Variants in FMN1 observed in about 807,000 individuals in gnomAD.
FMN1 encodes the protein formin 1, also known as formin-1.
In FMN1, 110 loss-of-function variants were observed where a neutral mutation model predicts 132.4. The ratio of observed to expected loss-of-function variants is 0.83; its 90% CI spans 0.71 to 0.97. The LOEUF (loss-of-function observed/expected upper bound fraction) is 0.97, where lower values mean the gene tolerates loss of function less well. Ranked by LOEUF, FMN1 falls within the 50% of genes least tolerant of loss-of-function variation. The pLI is 0.00. For synonymous variants in FMN1, 722 were observed against 651.7 expected (o/e 1.11, Z -1.64); for missense variants, 1,792 against 1,705.3 (o/e 1.05, Z -0.90).
intron 7 of FMN1, among the ~76,000 whole-genome samples, chr15:32,984,386 A>T (rs1389299574): frequency 6.6e-6 from 1 of 152,158 alleles, no homozygotes; most frequent in Non-Finnish European, 1.5e-5. Context: ...TATACTTAAA[A>T]GGGTCTCCAA....
At chr15:33,142,608 T>C (rs1964053096) in intron 4 of FMN1, among the ~76,000 whole-genome samples, 1 of 152,214 alleles carries the variant, frequency 6.6e-6, no homozygotes, top group African/African-American at 2.4e-5. Context: ...GTAATATTAA[T>C]AGCAGGAATT....
intron 7 of FMN1, among the ~76,000 whole-genome samples, chr15:32,992,646 T>C (rs905459464): frequency 6.6e-6 from 1 of 152,224 alleles, no homozygotes; most frequent in Non-Finnish European, 1.5e-5. Context: ...ATAACTTAGA[T>C]GTTTAATTCA....
In FMN1 at chr15:32,772,541, C is replaced by T. The variant is rs28502036; in HGVS notation, c.*1769G>A. 6.6e-6 allele frequency: 1 copy of T among 152,092 alleles called. No homozygotes were observed. The highest frequency in any genetic ancestry group is 1.5e-5 in the Non-Finnish European group (1 of 68,016). The allele number at this position is 152,092 out of a possible 1,614,324, so 9.4% of individuals were successfully genotyped here. Reference sequence around the variant, plus strand: ...TGTAAGAAAGCAGCATAAAAAGCTTCTTGCTCACAAGCAACTTCAAGCCTT... The same window carrying T: ...TGTAAGAAAGCAGCATAAAAAGCTTTTTGCTCACAAGCAACTTCAAGCCTT... On this transcript the variant is annotated 3_prime_UTR_variant, in exon 21 of 21. Coordinates refer to ENST00000616417, the MANE Select transcript of FMN1 (RefSeq NM_001277313.2).
rs1444523400 is a variant in FMN1, at chr15:32,785,218, A to ATATATATATATATATTTTTTTT, written c.4131-8300_4131-8299insAAAAAAAATATATATATATATA. Among the ~76,000 whole-genome samples, 2 of 39,202 alleles carry ATATATATATATATATTTTTTTT rather than the reference A, an allele frequency of 5.1e-5. 1 individual carries two copies. The highest frequency in any genetic ancestry group is 9.0e-5 in the Non-Finnish European group (2 of 22,116). 25.7% of individuals were successfully genotyped at this position (39,202 alleles called of 152,430 possible). A position where few individuals can be genotyped will look rare whatever the true frequency, so the allele number is the denominator to read the frequency against. On this transcript the variant is annotated intron_variant, in intron 19 of 20. Coordinates refer to ENST00000616417, the MANE Select transcript of FMN1 (RefSeq NM_001277313.2). ...TGTGTGTGTATATATATATATATAT[A>ATATATATATATATATTTTTTTT]TTTTTTTTTTTTTTTTTTTGTAGAG...
At chr15:33,097,320 G>A (rs1315581013) in intron 4 of FMN1, among the ~76,000 whole-genome samples, 1 of 149,984 alleles carries the variant, frequency 6.7e-6, no homozygotes. Context: ...AAAAAAAAGA[G>A]AGAGAGAGAG....
At chr15:32,871,244 C>T (rs2059508782) in intron 16 of FMN1, among the ~76,000 whole-genome samples, 2 of 152,296 alleles carry the variant, frequency 1.3e-5, no homozygotes, top group Admixed American at 6.5e-5. Context: ...GGTCATGACA[C>T]CATGACCAAA....
intron 8 of FMN1, among the ~76,000 whole-genome samples, 164 bp from the exon 9 acceptor site, chr15:32,964,421 A>G (rs2030983017): frequency 1.3e-5 from 2 of 152,232 alleles, no homozygotes; most frequent in South Asian, 4.1e-4. Flanking sequence ...CATTTGTTAA[A>G]GTCAAAATAT....
chr15:33,180,327 T>G (rs900737312), intron 2 of FMN1, 65 bp from the exon 3 acceptor site: 3 of 151,876 alleles, frequency 2.0e-5, no homozygotes, highest in African/African-American at 7.3e-5. Flanking sequence ...GGTGTGTATG[T>G]GTTACTGTGT....
intron 10 of FMN1, among the ~76,000 whole-genome samples, chr15:32,924,849 G>A (rs991347431): frequency 6.6e-6 from 1 of 152,200 alleles, no homozygotes; most frequent in African/African-American, 2.4e-5. Context: ...GGGAGGCAGA[G>A]GTTGCGGTGA....
intron 4 of FMN1, among the ~76,000 whole-genome samples, chr15:33,122,643 G>GT (rs1230713224): frequency 6.6e-6 from 1 of 152,178 alleles, no homozygotes; most frequent in East Asian, 1.9e-4. Context: ...CAGGTACAAT[G>GT]TGAGAGAGAA....
intron 4 of FMN1, among the ~76,000 whole-genome samples, chr15:33,101,294 ATT>A (rs1454314860): frequency 6.6e-6 from 1 of 152,118 alleles, no homozygotes; most frequent in Admixed American, 6.6e-5. Flanking sequence ...GAGGTTGGCG[ATT>A]TGGTAAATTC....
In FMN1 at chr15:32,772,714, T is replaced by C; in HGVS notation, c.*1596A>G. Reference sequence around the variant, plus strand: ...AGCACCTGCATGAATATGGCTTCTGTGACTTGATTTGATCCTGACTGCAGT... The same window carrying C: ...AGCACCTGCATGAATATGGCTTCTGCGACTTGATTTGATCCTGACTGCAGT... On this transcript the variant is annotated 3_prime_UTR_variant, in exon 21 of 21. Transcript: ENST00000616417. 6.6e-6 allele frequency: 1 copy of C among 152,246 alleles called. No homozygotes were observed. The highest frequency in any genetic ancestry group is 1.9e-4 in the East Asian group (1 of 5,194). 9.4% of individuals were successfully genotyped at this position (152,246 alleles called of 1,614,324 possible).
At chr15:32,778,290 A>ATT (rs970545403) in intron 19 of FMN1, among the ~76,000 whole-genome samples, 2 of 143,586 alleles carry the variant, frequency 1.4e-5, no homozygotes, top group South Asian at 2.1e-4. Flanking sequence ...ATATATATAT[A>ATT]TTTTTTTGAG....
intron 15 of FMN1, among the ~76,000 whole-genome samples, chr15:32,893,909 G>A (rs1437152859): frequency 1.3e-5 from 2 of 152,154 alleles, no homozygotes; most frequent in Non-Finnish European, 2.9e-5. Flanking sequence ...CAATAAATCT[G>A]CCCATGCCAA....
At position 32,805,585 on chromosome 15, in the gene FMN1, G is replaced by A. The variant is rs114046078; in HGVS notation, c.3929-1253C>T. Among the ~76,000 whole-genome samples, 415 of 152,286 alleles carry A rather than the reference G, an allele frequency of 2.7e-3. 5 individuals carry two copies. Among genetic ancestry groups the A allele is most frequent in the African/African-American group, 9.2e-3 (383 of 41,544 alleles). On this transcript the variant is annotated intron_variant, in intron 17 of 20. Transcript: ENST00000616417. Reference sequence around the variant, plus strand: ...TCATGAAGTCTTGATAACAGACATAGCTAATAGTGGCCAAATAATTTATTG... The same window carrying A: ...TCATGAAGTCTTGATAACAGACATAACTAATAGTGGCCAAATAATTTATTG...
chr15:32,931,255 C>T (rs2061108847), intron 9 of FMN1, among the ~76,000 whole-genome samples: 1 of 152,138 alleles, frequency 6.6e-6, no homozygotes, highest in Non-Finnish European at 1.5e-5. Context: ...AGAGGAACTG[C>T]ACTGAATCTG....
At chr15:33,122,708 C>T (rs962331944) in intron 4 of FMN1, among the ~76,000 whole-genome samples, 2 of 152,228 alleles carry the variant, frequency 1.3e-5, no homozygotes, top group African/African-American at 4.8e-5. Flanking sequence ...GCTGGCCTAT[C>T]CTACTCCAGG....
intron 2 of FMN1, among the ~76,000 whole-genome samples, chr15:33,192,978 C>T (rs1256711339): frequency 2.0e-5 from 3 of 152,162 alleles, no homozygotes; most frequent in Non-Finnish European, 4.4e-5. Flanking sequence ...GTGGCTGGTC[C>T]AGGATTTGAA....
chr15:32,882,141 T>A (rs1418624171), intron 16 of FMN1, among the ~76,000 whole-genome samples: 1 of 152,154 alleles, frequency 6.6e-6, no homozygotes, highest in Admixed American at 6.5e-5. Context: ...TCAATCCAAT[T>A]TTTATCTGTA....
Sources: allele counts gnomAD v4.1 joint callset (sites outside exome capture counted in the v4.1 genomes callset), GRCh38; gene constraint gnomAD v4.1.1; transcripts MANE v1.5; gene names NCBI Gene and HGNC (gene_info 2026-07-23, HGNC 2026-07-21).